CUL5: variants seen among roughly 807,000 people sequenced by gnomAD.
The protein encoded by CUL5 is cullin-5.
Under a neutral mutation model 108.8 loss-of-function variants are expected in CUL5, and 26 were observed. The observed-to-expected ratio is 0.24, with a 90% confidence interval of 0.18 to 0.33. CUL5 has a LOEUF of 0.33. CUL5 is among the 10% of genes least tolerant of loss of function. The pLI is 1.00. For synonymous variants in CUL5, 334 were observed against 298.0 expected (o/e 1.12, Z -1.25); for missense variants, 524 against 909.2 (o/e 0.58, Z 5.45).
chr11:108,050,221 T>C (rs1339421295), intron 4 of CUL5, among the ~76,000 whole-genome samples, 155 bp downstream of exon 4: 2 of 152,220 alleles, frequency 1.3e-5, no homozygotes, highest in Non-Finnish European at 2.9e-5. Context: ...TAATATTCTT[T>C]TTTGTCTTTA....
chr11:108,055,778 A>G (rs1042005964), intron 7 of CUL5, among the ~76,000 whole-genome samples: 1 of 151,950 alleles, frequency 6.6e-6, no homozygotes, highest in Non-Finnish European at 1.5e-5. Context: ...CTACAAGCGC[A>G]TGCCACCATG....
At chr11:108,094,786 T>G (rs757128524) in intron 14 of CUL5, 26 bp from the exon 15 acceptor site, 2 of 1,512,806 alleles carry the variant, frequency 1.3e-6, no homozygotes, top group East Asian at 2.3e-5. Context: ...TAATTTACTT[T>G]ATATTCCTGA....
intron 1 of CUL5, among the ~76,000 whole-genome samples, chr11:108,021,876 A>G (rs1862334781): frequency 6.6e-6 from 1 of 152,068 alleles, no homozygotes; most frequent in African/African-American, 2.4e-5. Flanking sequence ...ATGCAGTGGC[A>G]TGATCATAGC....
At chr11:108,038,609 A>T (rs950198519) in intron 2 of CUL5, among the ~76,000 whole-genome samples, 19 of 151,088 alleles carry the variant, frequency 1.3e-4, no homozygotes, top group Non-Finnish European at 1.9e-4. Context: ...CGGCAGGCAG[A>T]GGTTGCAGTG....
intron 10 of CUL5, among the ~76,000 whole-genome samples, chr11:108,076,938 G>A (rs989608497): frequency 2.0e-5 from 3 of 152,156 alleles, no homozygotes; most frequent in Admixed American, 6.5e-5. Context: ...TCAGAAACTC[G>A]GTATTGAATA....
intron 1 of CUL5, among the ~76,000 whole-genome samples, chr11:108,012,370 A>G (rs1044252261): frequency 6.6e-6 from 1 of 151,878 alleles, no homozygotes; most frequent in African/African-American, 2.4e-5. Context: ...CAGCTATTTG[A>G]AGTGCCCTTA....
Position 108,008,965 on chromosome 11 carries a change from A to C in CUL5, c.-384A>C. The C allele has an allele frequency of 4.5e-6, 1 of 221,380 alleles. No individual in the cohort carries two copies. The highest frequency in any genetic ancestry group is 9.0e-6 in the Non-Finnish European group (1 of 111,420). The allele number at this position is 221,380 out of a possible 1,614,324, so 13.7% of individuals were successfully genotyped here. On this transcript the variant is annotated 5_prime_UTR_variant, in exon 1 of 19. Transcript: ENST00000393094. ...TGAGCTGCGGGGCCTAAGCCGAGCT[A>C]AATTCGTTGCAGGTGGCCGCGGCGG... is the stretch of plus-strand genomic sequence containing the variant.
intron 1 of CUL5, among the ~76,000 whole-genome samples, chr11:108,013,560 A>T (rs1333394889): frequency 6.6e-6 from 1 of 152,142 alleles, no homozygotes; most frequent in Non-Finnish European, 1.5e-5. Flanking sequence ...AGCATGCCAG[A>T]GGTCGTCATC....
At chr11:108,074,910 G>T (rs1308220409) in intron 10 of CUL5, among the ~76,000 whole-genome samples, 1 of 152,210 alleles carries the variant, frequency 6.6e-6, no homozygotes, top group Non-Finnish European at 1.5e-5. Context: ...AAATTGAGTA[G>T]CCTGCAAAGG....
intron 11 of CUL5, among the ~76,000 whole-genome samples, chr11:108,088,079 C>T (rs1864265546): frequency 1.3e-5 from 2 of 151,194 alleles, no homozygotes; most frequent in South Asian, 2.1e-4. Context: ...GTATATATAT[C>T]ATCATTATGG....
At chr11:108,035,474 C>T (rs1218125493) in intron 2 of CUL5, among the ~76,000 whole-genome samples, 3 of 152,004 alleles carry the variant, frequency 2.0e-5, no homozygotes, top group African/African-American at 2.4e-5. Flanking sequence ...AAGTGGCTTA[C>T]GCCTGTAATC....
chr11:108,048,648 C>CTTTTTTTTTTTTTTTTTTTTTTTTTTTT (rs200991204), intron 3 of CUL5, among the ~76,000 whole-genome samples: 22 of 116,864 alleles, frequency 1.9e-4, no homozygotes, highest in Non-Finnish European at 2.7e-4. Flanking sequence ...ACTCCACCAC[C>CTTTTTTTTTTTTTTTTTTTTTTTTTTTT]TTTTTTTTTT....
intron 11 of CUL5, among the ~76,000 whole-genome samples, chr11:108,079,017 T>C (rs1378008193): frequency 1.3e-5 from 2 of 152,170 alleles, no homozygotes; most frequent in African/African-American, 4.8e-5. Context: ...GTGAAACATA[T>C]AGCACTGCAT....
At chr11:108,031,286 C>T (rs180671373) in intron 1 of CUL5, among the ~76,000 whole-genome samples, 23 of 151,334 alleles carry the variant, frequency 1.5e-4, no homozygotes, top group Admixed American at 1.1e-3. Flanking sequence ...AATCACCTGA[C>T]CCTGGGAGGT....
rs7117111 is a variant in CUL5, at chr11:108,046,360, A to G, written c.225A>G (p.Gln75=). The G allele has an allele frequency of 0.65, 1,035,970 of 1,597,410 alleles. 341,391 individuals are homozygous for G. Among genetic ancestry groups the G allele is most frequent in the East Asian group, 0.9 (40,189 of 44,668 alleles). Residue 75 remains glutamine, a synonymous_variant, in exon 3 of 19, where the codon CAA becomes CAG. Coordinates refer to ENST00000393094, the MANE Select transcript of CUL5 (RefSeq NM_003478.6). ...LKEDILEFIK[Q]AQARVLSHQD... ...AAGATATTCTTGAGTTTATTAAGCA[A>G]GCACAGGCAGTAAGTTCTACATGCT...
intron 10 of CUL5, among the ~76,000 whole-genome samples, chr11:108,077,349 C>G (rs1863964662): frequency 1.3e-5 from 2 of 152,152 alleles, no homozygotes; most frequent in Non-Finnish European, 2.9e-5. Context: ...GTGACTTTAA[C>G]AAGAACAGTT....
chr11:108,054,501 A>C (rs1863323361), intron 5 of CUL5, 146 bp from the exon 6 acceptor site: 1 of 544,568 alleles, frequency 1.8e-6, no homozygotes, highest in African/African-American at 1.9e-5. Context: ...TTTCTTATGG[A>C]GAAGGATTTT....
intron 18 of CUL5, among the ~76,000 whole-genome samples, chr11:108,098,964 C>T (rs1864570713): frequency 6.7e-6 from 1 of 149,462 alleles, no homozygotes. Context: ...TCAACTTTTA[C>T]TATTTTCATT....
chr11:108,031,583 G>C (rs1051277406), intron 1 of CUL5, among the ~76,000 whole-genome samples: 2 of 152,110 alleles, frequency 1.3e-5, no homozygotes, highest in African/African-American at 2.4e-5. Context: ...CAGGTTTGTT[G>C]AAGATCAGAT....
Sources: allele counts gnomAD v4.1 joint callset (sites outside exome capture counted in the v4.1 genomes callset), GRCh38; gene constraint gnomAD v4.1.1; transcripts MANE v1.5; gene names NCBI Gene and HGNC (gene_info 2026-07-23, HGNC 2026-07-21).